The following NRG4 variants were observed in gnomAD, a reference collection of about 807,000 sequenced individuals.
NRG4 encodes the protein pro-neuregulin-4, membrane-bound isoform.
In NRG4, 10 loss-of-function variants were observed where a neutral mutation model predicts 15.0. That is an observed-to-expected ratio of 0.67 (90% CI 0.41 to 1.13). NRG4 has a LOEUF of 1.13. Among genes scored for constraint, NRG4 ranks in the 50% most tolerant of loss-of-function variants. The probability of loss-of-function intolerance (pLI) is 0.00; values close to 1 mark genes in which losing one functional copy is unlikely to be tolerated. For synonymous variants in NRG4, 41 were observed against 50.1 expected, an observed-to-expected ratio of 0.82 and a Z score of 0.77; for missense variants, 139 against 140.2, an observed-to-expected ratio of 0.99 and a Z score of 0.04.
At chr15:75,940,124 AT>A (rs66659406), downstream of NRG4, 63,432 of 146,650 alleles carry the variant, frequency 0.43, 13,956 homozygotes, top group Admixed American at 0.48. Context: ...AAAAAAAAAA[AT>A]AACTGTTAAT....
intron 4 of NRG4, among the ~76,000 whole-genome samples, chr15:76,043,020 T>C (rs894519885): frequency 1.3e-5 from 2 of 152,162 alleles, no homozygotes; most frequent in Non-Finnish European, 2.9e-5. Context: ...ATCAATGTGA[T>C]ACATCATATC....
intron 5 of NRG4, among the ~76,000 whole-genome samples, chr15:76,018,038 T>C (rs1269129757): frequency 2.0e-5 from 3 of 152,220 alleles, no homozygotes; most frequent in Non-Finnish European, 4.4e-5. Flanking sequence ...TCAATCTTTT[T>C]TCTCTAATCT....
intron 3 of NRG4, among the ~76,000 whole-genome samples, chr15:76,004,157 A>C (rs997699231): frequency 3.9e-5 from 6 of 152,250 alleles, no homozygotes; most frequent in Non-Finnish European, 8.8e-5. Context: ...AGAGCTACAA[A>C]GAAGCAGAGT....
At chr15:75,944,768 T>TGGGG (rs755812813) in intron 5 of NRG4, among the ~76,000 whole-genome samples, 12 of 115,048 alleles carry the variant, frequency 1.0e-4, no homozygotes, top group African/African-American at 3.5e-4. Flanking sequence ...TGTGTGTGTG[T>TGGGG]GGGGGGGTGG....
Position 75,941,429 on chromosome 15 carries a change from A to G in NRG4, c.*2209T>C, listed in dbSNP as rs1266869998. On this transcript the variant is annotated 3_prime_UTR_variant, in exon 6 of 6. Coordinates refer to ENST00000394907, the MANE Select transcript of NRG4 (RefSeq NM_138573.4). ...TCAGCAATTGCATTTCTGGGTATATACACAAAATAATTGAAAGCGGAGGCT... is the reference window on the plus strand; with the variant it reads ...TCAGCAATTGCATTTCTGGGTATATGCACAAAATAATTGAAAGCGGAGGCT... 1 of 152,220 alleles carries G rather than the reference A, an allele frequency of 6.6e-6. No homozygotes were observed. The highest frequency in any genetic ancestry group is 2.4e-5 in the African/African-American group (1 of 41,466). 9.4% of individuals were successfully genotyped at this position (152,220 alleles called of 1,614,324 possible).
chr15:76,021,171 C>T (rs921247929), intron 5 of NRG4, among the ~76,000 whole-genome samples: 2 of 152,198 alleles, frequency 1.3e-5, no homozygotes, highest in Non-Finnish European at 2.9e-5. Flanking sequence ...TAAATCTACT[C>T]TGCCTGTGCT....
At chr15:75,971,976 C>A (rs889557470) in intron 3 of NRG4, among the ~76,000 whole-genome samples, 1 of 152,158 alleles carries the variant, frequency 6.6e-6, no homozygotes, top group Non-Finnish European at 1.5e-5. Flanking sequence ...CTAATTTATA[C>A]TCCCACAAAT....
At chr15:75,943,776 G>A (rs747336080) in intron 5 of NRG4, 122 bp from the exon 6 acceptor site, 120 of 658,294 alleles carry the variant, frequency 1.8e-4, no homozygotes, top group Non-Finnish European at 2.9e-4. Flanking sequence ...GTTTGTGATA[G>A]GATGTGTTGA....
At chr15:76,037,592 G>A (rs1408644122) in intron 4 of NRG4, among the ~76,000 whole-genome samples, 2 of 152,070 alleles carry the variant, frequency 1.3e-5, no homozygotes, top group Non-Finnish European at 2.9e-5. Flanking sequence ...AAGTGCTCTG[G>A]GGCCCTAAAT....
At chr15:75,973,946 C>CA (rs1269317209) in intron 3 of NRG4, among the ~76,000 whole-genome samples, 2 of 152,112 alleles carry the variant, frequency 1.3e-5, no homozygotes, top group Non-Finnish European at 2.9e-5. Flanking sequence ...GGAATGGTAT[C>CA]AGGTCCTCTT....
At chr15:76,054,500 C>T (rs1000053820) in intron 2 of NRG4, among the ~76,000 whole-genome samples, 11 of 152,042 alleles carry the variant, frequency 7.2e-5, no homozygotes, top group Admixed American at 5.9e-4. Flanking sequence ...CTGCAACCTC[C>T]GCCTCCCCGG....
intron 3 of NRG4, chr15:75,969,311 C>T: frequency 2.3e-6 from 1 of 441,114 alleles, no homozygotes; most frequent in Non-Finnish European, 4.6e-6. Context: ...TGAACTCTTA[C>T]TGATGACATA....
intron 5 of NRG4, among the ~76,000 whole-genome samples, chr15:76,019,887 G>C (rs940858020): frequency 2.0e-5 from 3 of 152,102 alleles, no homozygotes; most frequent in Non-Finnish European, 2.9e-5. Context: ...CTCATTTTAT[G>C]CATTTTATTG....
intron 5 of NRG4, among the ~76,000 whole-genome samples, chr15:75,944,408 G>A (rs1203578641): frequency 6.6e-6 from 1 of 152,192 alleles, no homozygotes; most frequent in African/African-American, 2.4e-5. Context: ...TTGCAGTAGG[G>A]ATGGTGTCTA....
chr15:76,033,889 C>CCATGT (rs1253884394), intron 5 of NRG4, among the ~76,000 whole-genome samples: 1 of 152,206 alleles, frequency 6.6e-6, no homozygotes, highest in East Asian at 1.9e-4. Flanking sequence ...GCCACTGTAG[C>CCATGT]AATAAGTTTT....
chr15:76,024,148 G>A (rs762028983), intron 5 of NRG4, among the ~76,000 whole-genome samples: 1 of 152,226 alleles, frequency 6.6e-6, no homozygotes, highest in East Asian at 1.9e-4. Context: ...CTGCCAACAT[G>A]TAAGTCTTGG....
chr15:76,056,851 C>T (rs1406153368), intron 2 of NRG4: 1 of 152,174 alleles, frequency 6.6e-6, no homozygotes, highest in Non-Finnish European at 1.5e-5. Flanking sequence ...CTAATCTATC[C>T]TCCCATAATC....
chr15:76,034,700 T>C (rs971468786), intron 5 of NRG4, among the ~76,000 whole-genome samples: 1 of 151,868 alleles, frequency 6.6e-6, no homozygotes, highest in African/African-American at 2.4e-5. Context: ...AACTCTTAAA[T>C]AGACTTGAGG....
chr15:75,993,412 A>G (rs2141876344), intron 3 of NRG4, among the ~76,000 whole-genome samples: 1 of 150,362 alleles, frequency 6.7e-6, no homozygotes, highest in East Asian at 1.9e-4. Context: ...AAAAAAAAAA[A>G]AAAAAAAATT....
Sources: allele counts gnomAD v4.1 joint callset (sites outside exome capture counted in the v4.1 genomes callset), GRCh38; gene constraint gnomAD v4.1.1; transcripts MANE v1.5; gene names NCBI Gene and HGNC (gene_info 2026-07-23, HGNC 2026-07-21).